Variants in EPHA6 observed in about 807,000 individuals in gnomAD.
The protein encoded by EPHA6 is ephrin type-A receptor 6.
Under a neutral mutation model 112.0 loss-of-function variants are expected in EPHA6, and 50 were observed. The observed-to-expected ratio is 0.45, with a 90% CI of 0.36 to 0.56. The LOEUF (loss-of-function observed/expected upper bound fraction) is 0.56, where lower values mean the gene tolerates loss of function less well. EPHA6 is among the 20% of genes least tolerant of loss of function. EPHA6 has a pLI of 0.00. For missense variants in EPHA6, 1,280 were observed against 1,417.4 expected (o/e 0.90, Z 1.56); for synonymous variants, 529 against 490.7 (o/e 1.08, Z -1.03).
intron 5 of EPHA6, among the ~76,000 whole-genome samples, chr3:97,395,721 C>T (rs1192281901): frequency 6.6e-6 from 1 of 151,544 alleles, no homozygotes; most frequent in Non-Finnish European, 1.5e-5. Flanking sequence ...TACACACACA[C>T]ACATTCCTGT....
At chr3:96,963,427 CT>C (rs1409113795) in intron 2 of EPHA6, among the ~76,000 whole-genome samples, 2 of 152,166 alleles carry the variant, frequency 1.3e-5, no homozygotes, top group Non-Finnish European at 2.9e-5. Context: ...CAAAACCCCT[CT>C]TCTTTTCACC....
chr3:97,216,517 A>T (rs2078038631), intron 3 of EPHA6, among the ~76,000 whole-genome samples: 1 of 152,236 alleles, frequency 6.6e-6, no homozygotes, highest in African/African-American at 2.4e-5. Flanking sequence ...TAACTCATGT[A>T]GCAATGGAAA....
chr3:96,993,484 C>G (rs1165251402), intron 3 of EPHA6, among the ~76,000 whole-genome samples: 3 of 151,968 alleles, frequency 2.0e-5, no homozygotes, highest in Non-Finnish European at 4.4e-5. Context: ...CTGCCTGCCT[C>G]GGCCTCCCAA....
chr3:97,332,804 C>A (rs1256921198), intron 5 of EPHA6, among the ~76,000 whole-genome samples: 1 of 151,698 alleles, frequency 6.6e-6, no homozygotes, highest in Non-Finnish European at 1.5e-5. Context: ...ATTCTCTATT[C>A]TGTTTCATTG....
At chr3:97,174,382 T>G (rs534115929) in intron 3 of EPHA6, among the ~76,000 whole-genome samples, 2 of 152,006 alleles carry the variant, frequency 1.3e-5, no homozygotes, top group South Asian at 4.1e-4. Flanking sequence ...ATCTCTTTAA[T>G]ATACTGATTT....
At chr3:96,995,241 G>C (rs1187355999) in intron 3 of EPHA6, among the ~76,000 whole-genome samples, 1 of 152,004 alleles carries the variant, frequency 6.6e-6, no homozygotes, top group East Asian at 1.9e-4. Flanking sequence ...CAAGCAGAGA[G>C]CATAAAGAAA....
chr3:96,951,990 C>T (rs979029333), intron 2 of EPHA6, among the ~76,000 whole-genome samples: 30 of 152,026 alleles, frequency 2.0e-4, no homozygotes, highest in Non-Finnish European at 3.2e-4. Context: ...CTATGGTGTA[C>T]TTGGTTTGAT....
intron 2 of EPHA6, among the ~76,000 whole-genome samples, chr3:96,885,525 A>G (rs2037572790): frequency 6.6e-6 from 1 of 152,090 alleles, no homozygotes; most frequent in African/African-American, 2.4e-5. Flanking sequence ...TGGTGTTCAT[A>G]ATAGCCTTGA....
intron 6 of EPHA6, among the ~76,000 whole-genome samples, chr3:97,424,250 A>T (rs59262710): frequency 0.15 from 22,775 of 151,910 alleles, 5,360 homozygotes; most frequent in African/African-American, 0.5. Context: ...GATTAAATTA[A>T]CTCCACCTGG....
Position 97,754,237 on chromosome 3 carries a change from C to T in EPHA6, c.*5536C>T, listed in dbSNP as rs938130972. Reference sequence around the variant, plus strand: ...CCGAGTAGCTAGGATTACAGGCATGCGCCACCACGCCCAGCTAATTTTGTA... The same window carrying T: ...CCGAGTAGCTAGGATTACAGGCATGTGCCACCACGCCCAGCTAATTTTGTA... On this transcript the variant is annotated 3_prime_UTR_variant, in exon 18 of 18. Coordinates refer to ENST00000389672, the MANE Select transcript of EPHA6 (RefSeq NM_001080448.3). 9.2e-5 allele frequency among the ~76,000 whole-genome samples: 14 copies of T among 151,756 alleles called. No homozygotes were observed. The highest frequency in any genetic ancestry group is 1.9e-4 in the East Asian group (1 of 5,154).
At chr3:97,285,332 T>C (rs974032363) in intron 5 of EPHA6, among the ~76,000 whole-genome samples, 1 of 152,076 alleles carries the variant, frequency 6.6e-6, no homozygotes, top group African/African-American at 2.4e-5. Context: ...ATCCTTCTAT[T>C]TGACTGTATG....
Position 97,559,962 on chromosome 3 carries a change from T to C in EPHA6, c.2386+27419T>C, listed in dbSNP as rs567367758. 6.6e-5 allele frequency among the ~76,000 whole-genome samples: 10 copies of C among 151,926 alleles called. No homozygotes were observed. In the East Asian group the frequency reaches 1.9e-3, roughly 29 times the overall value. ...ATGTAAGAAAACCCCTTTAAAAAAT[T>C]CTATTTGATGTTCTCAAAGAGAGGG... On this transcript the variant is annotated intron_variant, in intron 11 of 17. Coordinates refer to ENST00000389672, the MANE Select transcript of EPHA6 (RefSeq NM_001080448.3).
chr3:96,988,530 A>T (rs1461607217), intron 3 of EPHA6, among the ~76,000 whole-genome samples: 1 of 152,188 alleles, frequency 6.6e-6, no homozygotes, highest in African/African-American at 2.4e-5. Flanking sequence ...ATCATATTGA[A>T]TTATAATACT....
chr3:97,003,405 C>T (rs1317747343), intron 3 of EPHA6, among the ~76,000 whole-genome samples: 1 of 151,956 alleles, frequency 6.6e-6, no homozygotes, highest in Non-Finnish European at 1.5e-5. Context: ...TTAACTAAGC[C>T]CCAGAAGAGT....
At chr3:96,988,151 A>C (rs559798877) in intron 3 of EPHA6, among the ~76,000 whole-genome samples, 158 bp downstream of exon 3, 5 of 152,336 alleles carry the variant, frequency 3.3e-5, no homozygotes, top group Admixed American at 3.3e-4. Context: ...TAGTTAATAT[A>C]TCCATCATCT....
At chr3:97,561,553 G>T (rs1179774754) in intron 11 of EPHA6, among the ~76,000 whole-genome samples, 2 of 151,962 alleles carry the variant, frequency 1.3e-5, no homozygotes, top group South Asian at 2.1e-4. Flanking sequence ...AAATTTTAAA[G>T]CTACCAGAGA....
chr3:97,130,155 A>T (rs956642787), intron 3 of EPHA6, among the ~76,000 whole-genome samples: 3 of 152,166 alleles, frequency 2.0e-5, no homozygotes, highest in African/African-American at 4.8e-5. Flanking sequence ...GTGACAGTAC[A>T]TGGAACTATT....
chr3:97,353,904 C>A (rs967560879), intron 5 of EPHA6, among the ~76,000 whole-genome samples: 3 of 152,144 alleles, frequency 2.0e-5, no homozygotes, highest in African/African-American at 7.2e-5. Flanking sequence ...TACCCCTCCC[C>A]CAGATCCAGG....
At chr3:97,737,512 A>T (rs947911987) in intron 16 of EPHA6, among the ~76,000 whole-genome samples, 6 of 152,064 alleles carry the variant, frequency 3.9e-5, no homozygotes, top group Admixed American at 3.9e-4. Flanking sequence ...CACTGTTTGA[A>T]TATGGAGGGA....
Sources: allele counts gnomAD v4.1 joint callset (sites outside exome capture counted in the v4.1 genomes callset), GRCh38; gene constraint gnomAD v4.1.1; transcripts MANE v1.5; gene names NCBI Gene and HGNC (gene_info 2026-07-23, HGNC 2026-07-21).